The following PIGU variants were observed in gnomAD, a reference collection of about 807,000 sequenced individuals.
The protein encoded by PIGU is GPI-anchor transamidase component PIGU.
Under a neutral mutation model 49.9 loss-of-function variants are expected in PIGU, and 24 were observed. The ratio of observed to expected loss-of-function variants is 0.48; its 90% CI spans 0.35 to 0.68. The LOEUF is 0.68. Ranked by LOEUF, PIGU falls within the 30% of genes least tolerant of loss-of-function variation. PIGU has a pLI of 0.01. For synonymous variants in PIGU, 220 were observed against 205.7 expected (o/e 1.07, Z -0.59); for missense variants, 490 against 532.6 (o/e 0.92, Z 0.79).
At chr20:34,567,006 G>C (rs1229949776) in intron 11 of PIGU, among the ~76,000 whole-genome samples, 1 of 152,224 alleles carries the variant, frequency 6.6e-6, no homozygotes, top group Non-Finnish European at 1.5e-5. Context: ...TCCACCACCA[G>C]GGCTGCAGAT....
intron 7 of PIGU, among the ~76,000 whole-genome samples, chr20:34,610,195 TTCTGGCCAGAGCAA>T (rs1984761611): frequency 6.6e-6 from 1 of 152,188 alleles, no homozygotes; most frequent in Non-Finnish European, 1.5e-5. Context: ...GTATTAGAAG[TTCTGGCCAGAGCAA>T]TCAGGCAAGA....
At chr20:34,657,480 T>C (rs6059969) in intron 1 of PIGU, among the ~76,000 whole-genome samples, 128,689 of 152,174 alleles carry the variant, frequency 0.85, 54,614 homozygotes, top group Admixed American at 0.92. Context: ...TTAAACTATC[T>C]GCTTCCTTTT....
intron 7 of PIGU, among the ~76,000 whole-genome samples, chr20:34,609,158 A>G (rs1260679582): frequency 6.6e-6 from 1 of 151,918 alleles, no homozygotes; most frequent in Non-Finnish European, 1.5e-5. Flanking sequence ...AAAACAAAAA[A>G]CAAGCCAGCC....
chr20:34,607,326 C>T (rs181615040), intron 7 of PIGU, among the ~76,000 whole-genome samples: 1 of 152,234 alleles, frequency 6.6e-6, no homozygotes, highest in Admixed American at 6.5e-5. Context: ...CCTGGCCTGC[C>T]CCGCATCCTG....
intron 11 of PIGU, among the ~76,000 whole-genome samples, chr20:34,564,434 G>A (rs1169008615): frequency 1.3e-5 from 2 of 152,208 alleles, no homozygotes; most frequent in Non-Finnish European, 2.9e-5. Flanking sequence ...TCGGGAAGCC[G>A]AGGCAAGGGG....
chr20:34,622,093 AG>A (rs1405175185), intron 6 of PIGU, among the ~76,000 whole-genome samples: 1 of 152,128 alleles, frequency 6.6e-6, no homozygotes, highest in Non-Finnish European at 1.5e-5. Flanking sequence ...AGAACACAAA[AG>A]GGGCTCCCGT....
intron 7 of PIGU, among the ~76,000 whole-genome samples, chr20:34,611,579 G>C (rs1225605210): frequency 7.0e-6 from 1 of 143,070 alleles, no homozygotes; most frequent in Non-Finnish European, 1.5e-5. Flanking sequence ...CTGGGAGGCA[G>C]AGGTTGCAGT....
At chr20:34,590,749 G>A (rs1025670245) in intron 7 of PIGU, among the ~76,000 whole-genome samples, 2 of 151,702 alleles carry the variant, frequency 1.3e-5, no homozygotes, top group African/African-American at 4.8e-5. Context: ...GAGGCCGGGC[G>A]CGGTAGCTCA....
intron 10 of PIGU, among the ~76,000 whole-genome samples, chr20:34,579,883 A>C (rs1486180498): frequency 6.6e-6 from 1 of 151,946 alleles, no homozygotes; most frequent in Non-Finnish European, 1.5e-5. Context: ...TATGTGAGAG[A>C]CTCCCCTGCA....
At chr20:34,657,070 A>T in intron 2 of PIGU, 110 bp downstream of exon 2, 1 of 857,902 alleles carries the variant, frequency 1.2e-6, no homozygotes, top group South Asian at 1.7e-5. Context: ...TCTAAATATG[A>T]TCGTCAAGAA....
intron 11 of PIGU, among the ~76,000 whole-genome samples, chr20:34,565,502 C>T (rs959232679): frequency 2.6e-5 from 4 of 151,914 alleles, no homozygotes; most frequent in Non-Finnish European, 4.4e-5. Context: ...CCTCATGATC[C>T]GCCCACCTCA....
At chr20:34,567,802 CCTCT>C (rs11467880) in intron 11 of PIGU, among the ~76,000 whole-genome samples, 198 of 144,402 alleles carry the variant, frequency 1.4e-3, no homozygotes, top group South Asian at 2.5e-3. Flanking sequence ...CCTCCTTCCT[CCTCT>C]CTCTCTCTCT....
chr20:34,589,501 C>T (rs1019380797), intron 7 of PIGU, among the ~76,000 whole-genome samples: 1 of 151,532 alleles, frequency 6.6e-6, no homozygotes, highest in Non-Finnish European at 1.5e-5. Context: ...TGCAGGTGCG[C>T]ACCACCACAC....
At chr20:34,570,506 C>T (rs943693917) in intron 11 of PIGU, among the ~76,000 whole-genome samples, 4 of 152,132 alleles carry the variant, frequency 2.6e-5, no homozygotes, top group Non-Finnish European at 5.9e-5. Flanking sequence ...CCTCCACCTT[C>T]AGGGTTCGAG....
rs796294249 is a variant in PIGU at position 34,661,547 on chromosome 20, CT to C, written c.131-4304del. Reference sequence around the variant, plus strand: ...TTGGTGCAAAGGACATGAGCTCATTCTTTTTTTTTTTTTAATGCTGCATAGT... The same window carrying C: ...TTGGTGCAAAGGACATGAGCTCATTCTTTTTTTTTTTTAATGCTGCATAGT... On this transcript the variant is annotated intron_variant, in intron 1 of 11. Transcript: ENST00000217446. Among the ~76,000 whole-genome samples the C allele has an allele frequency of 8.2e-3, 1,142 of 139,550 alleles. 5 individuals carry two copies. The highest frequency in any genetic ancestry group is 0.013 in the African/African-American group (496 of 38,056). The allele number at this position is 139,550 out of a possible 152,430, so 91.6% of individuals were successfully genotyped here. A position where few individuals can be genotyped will look rare whatever the true frequency, so the allele number is the denominator to read the frequency against.
intron 6 of PIGU, among the ~76,000 whole-genome samples, chr20:34,631,495 G>C (rs1326806133): frequency 6.7e-6 from 1 of 149,782 alleles, no homozygotes; most frequent in African/African-American, 2.4e-5. Flanking sequence ...CGCATGTCCA[G>C]ACATAGCATC....
chr20:34,599,440 C>G (rs1038112278), intron 7 of PIGU, among the ~76,000 whole-genome samples: 1 of 151,930 alleles, frequency 6.6e-6, no homozygotes, highest in Admixed American at 6.6e-5. Context: ...GCAACAGAGA[C>G]CCCCGTCTCA....
chr20:34,659,648 T>G (rs1346031805), intron 1 of PIGU, among the ~76,000 whole-genome samples: 3 of 152,162 alleles, frequency 2.0e-5, no homozygotes, highest in Non-Finnish European at 4.4e-5. Flanking sequence ...AATCGGATGG[T>G]GGCCGTGTCT....
intron 6 of PIGU, among the ~76,000 whole-genome samples, chr20:34,630,626 T>C (rs1021609877): frequency 3.3e-5 from 5 of 152,124 alleles, no homozygotes; most frequent in Admixed American, 3.3e-4. Context: ...CCAGTCAATA[T>C]GTTAGTGCTT....
Sources: allele counts gnomAD v4.1 joint callset (sites outside exome capture counted in the v4.1 genomes callset), GRCh38; gene constraint gnomAD v4.1.1; transcripts MANE v1.5; gene names NCBI Gene and HGNC (gene_info 2026-07-23, HGNC 2026-07-21).